TTLL1: variants seen among roughly 807,000 people sequenced by gnomAD.
TTLL1 encodes the protein polyglutamylase complex subunit TTLL1.
Under a neutral mutation model 47.8 loss-of-function variants are expected in TTLL1, and 33 were observed. That is an observed-to-expected ratio of 0.69 (90% CI 0.52 to 0.92). The LOEUF (loss-of-function observed/expected upper bound fraction) is 0.92, where lower values mean the gene tolerates loss of function less well. TTLL1 is among the 40% of genes least tolerant of loss of function. The pLI is 0.00. For synonymous variants in TTLL1, 225 were observed against 214.1 expected, an observed-to-expected ratio of 1.05 and a Z score of -0.45; for missense variants, 488 against 547.5, an observed-to-expected ratio of 0.89 and a Z score of 1.08.
At position 43,068,565 on chromosome 22, in the gene TTLL1, C is replaced by T. The variant is rs770840187; in HGVS notation, c.348G>A (p.Leu116=). ...CTACAAACAGGTTGTAGTCAGCGGG[C>T]AGCATATAGGTGACTGGAACAAAGT... ...YLDFVPVTYM[L]PADYNLFVEE... is the part of the protein sequence containing the mutation. The change falls in exon 5 of 11, where the codon CTG becomes CTA. Residue 116 remains leucine (L), a synonymous_variant. Transcript: ENST00000266254. The T allele has an allele frequency of 3.9e-6, 6 of 1,540,584 alleles. No individual in the cohort carries two copies. The Admixed American group carries it at 5.3e-5, about 13-fold the overall frequency.
Position 43,045,604 on chromosome 22 carries a change from C to T in TTLL1, c.1142+806G>A, listed in dbSNP as rs897906874. Reference sequence around the variant, plus strand: ...GGGATTACAGGTGTGAGCCACTGCACCTGGTCTATTATACCAATTTAAAGG... The same window carrying T: ...GGGATTACAGGTGTGAGCCACTGCATCTGGTCTATTATACCAATTTAAAGG... On this transcript the variant is annotated intron_variant, in intron 10 of 10. Transcript: ENST00000266254. 2.0e-5 allele frequency among the ~76,000 whole-genome samples: 3 copies of T among 151,628 alleles called. No individual in the cohort carries two copies. In the East Asian group the frequency reaches 5.8e-4, roughly 29 times the overall value.
Position 43,081,426 on chromosome 22 carries a change from G to A in TTLL1, c.-89-1440C>T, listed in dbSNP as rs180775058. Among the ~76,000 whole-genome samples the A allele has an allele frequency of 3.3e-3, 501 of 152,190 alleles. 2 individuals carry two copies. Among genetic ancestry groups the A allele is most frequent in the African/African-American group, 0.012 (488 of 41,506 alleles). ...AGTCGCTCCCATAGAGATGTGTTAC[G>A]GGTTAAGTTGTGTCCCCACAAACTT... On this transcript the variant is annotated intron_variant, in intron 1 of 10. Transcript: ENST00000266254.
intron 4 of TTLL1, 157 bp downstream of exon 4, chr22:43,069,479 C>G: frequency 7.4e-7 from 1 of 1,355,286 alleles, no homozygotes; most frequent in Non-Finnish European, 9.9e-7. Context: ...CTCCTTCTCC[C>G]TCATTCTGGA....
intron 3 of TTLL1, 89 bp downstream of exon 3, chr22:43,075,385 T>C (rs1227475566): frequency 1.8e-6 from 2 of 1,083,788 alleles, no homozygotes; most frequent in Admixed American, 1.9e-5. Flanking sequence ...AGACAGTGGC[T>C]CTGAGGCCAC....
Position 43,068,518 on chromosome 22 carries a change from G to T in TTLL1, c.395C>A (p.Ser132Tyr). Residue 132 changes from serine to tyrosine, a missense_variant, in exon 5 of 11, where the codon TCC (serine) becomes TAC (tyrosine). Ser to Tyr is a moderately radical substitution (Grantham distance 144). Transcript: ENST00000266254. ...LFVEEFRKSP[S>Y]STWIMKPCGK... ...ACAAGGCTTCATGATCCAGGTGCTGGACGGGCTCTTCCGGAACTCCTCTAC... is the reference window on the plus strand; with the variant it reads ...ACAAGGCTTCATGATCCAGGTGCTGTACGGGCTCTTCCGGAACTCCTCTAC... 1 of 1,572,494 alleles carries T rather than the reference G, an allele frequency of 6.4e-7. No individual in the cohort carries two copies. Among genetic ancestry groups the T allele is most frequent in the Non-Finnish European group, 8.7e-7 (1 of 1,149,884 alleles).
In TTLL1 at chr22:43,060,423, C is replaced by A. The variant is rs376794874; in HGVS notation, c.748-896G>T. On this transcript the variant is annotated intron_variant, in intron 7 of 10. Transcript: ENST00000266254. ...CTGCTCCACAGCGCCCCACGGTGGG[C>A]AGAGGCCTCCACTGCAGCAACATCA... Among the ~76,000 whole-genome samples, 20 of 152,356 alleles carry A rather than the reference C, an allele frequency of 1.3e-4. No individual in the cohort carries two copies. In the East Asian group the frequency reaches 1.5e-3, roughly 12 times the overall value.
At chr22:43,078,174 T>C (rs1928633890) in intron 2 of TTLL1, among the ~76,000 whole-genome samples, 1 of 151,898 alleles carries the variant, frequency 6.6e-6, no homozygotes, top group South Asian at 2.1e-4. Context: ...ATGAGGAAGC[T>C]GAGGCTCAAC....
chr22:43,052,330 G>A (rs564258255), intron 8 of TTLL1: 1 of 178,918 alleles, frequency 5.6e-6, no homozygotes, highest in East Asian at 1.4e-4. Context: ...ATTAACCTCT[G>A]TTCCCAGTGA....
intron 5 of TTLL1, among the ~76,000 whole-genome samples, chr22:43,067,620 G>A (rs1187998679): frequency 2.0e-5 from 3 of 152,112 alleles, no homozygotes; most frequent in Admixed American, 6.6e-5. Context: ...GTGACGCCAC[G>A]TGACAGATGA....
intron 2 of TTLL1, among the ~76,000 whole-genome samples, chr22:43,076,587 TA>T (rs1231104078): frequency 6.7e-6 from 1 of 150,038 alleles, no homozygotes; most frequent in South Asian, 2.1e-4. Flanking sequence ...CTGTCTCTAC[TA>T]AAAATACAAA....
rs369042564 is a variant in TTLL1, at chr22:43,085,468, G to A, written c.-90+3809C>T. Among the ~76,000 whole-genome samples, 7 of 152,156 alleles carry A rather than the reference G, an allele frequency of 4.6e-5. No homozygotes were observed. In the East Asian group the frequency reaches 5.8e-4, roughly 13 times the overall value. On this transcript the variant is annotated intron_variant, in intron 1 of 10. Transcript: ENST00000266254. ...AGGGCAGGGCAAGGTGGAGATAAACGAATCATGGGAGTGGTTCCCCCGTAC... is the reference window on the plus strand; with the variant it reads ...AGGGCAGGGCAAGGTGGAGATAAACAAATCATGGGAGTGGTTCCCCCGTAC...
intron 10 of TTLL1, 42 bp downstream of exon 10, chr22:43,046,368 G>A (rs376132818): frequency 3.2e-5 from 51 of 1,604,488 alleles, no homozygotes; most frequent in Middle Eastern, 1.7e-4. Flanking sequence ...CACGCCATTC[G>A]GAAACACAGA....
At chr22:43,059,593 T>C (rs772278889) in intron 7 of TTLL1, 66 bp from the exon 8 acceptor site, 60 of 1,521,314 alleles carry the variant, frequency 3.9e-5, no homozygotes, top group Middle Eastern at 1.8e-4. Context: ...AGCGGAACCG[T>C]TGCATCCCCC....
At chr22:43,075,369 G>T in intron 3 of TTLL1, 105 bp downstream of exon 3, 1 of 905,102 alleles carries the variant, frequency 1.1e-6, no homozygotes, top group South Asian at 1.5e-5. Context: ...ATGGCACAAT[G>T]ACAGGAGACA....
intron 8 of TTLL1, among the ~76,000 whole-genome samples, chr22:43,058,154 C>A (rs1349718749): frequency 1.3e-5 from 2 of 151,948 alleles, no homozygotes; most frequent in Non-Finnish European, 2.9e-5. Flanking sequence ...CCCTGTTAGC[C>A]AGGATGGTCT....
At chr22:43,051,500 G>C (rs1024547577) in intron 9 of TTLL1, among the ~76,000 whole-genome samples, 2 of 152,182 alleles carry the variant, frequency 1.3e-5, no homozygotes, top group African/African-American at 4.8e-5. Flanking sequence ...GGGCCTGGGG[G>C]ACAGGGTGCA....
intron 8 of TTLL1, among the ~76,000 whole-genome samples, chr22:43,058,405 A>G (rs1372161495): frequency 6.6e-6 from 1 of 152,256 alleles, no homozygotes; most frequent in Non-Finnish European, 1.5e-5. Flanking sequence ...AAAAAGAGGC[A>G]CGCCATTTCC....
chr22:43,087,885 C>T (rs571532271), intron 1 of TTLL1, among the ~76,000 whole-genome samples: 12 of 147,958 alleles, frequency 8.1e-5, no homozygotes, highest in Non-Finnish European at 1.5e-4. Flanking sequence ...CAGTGGCTCA[C>T]GCTTGTAATC....
intron 8 of TTLL1, among the ~76,000 whole-genome samples, chr22:43,056,462 CTTTTTT>C (rs1052016247): frequency 6.7e-5 from 7 of 103,708 alleles, no homozygotes; most frequent in South Asian, 6.3e-4. Flanking sequence ...TTCTTCTTGT[CTTTTTT>C]TTTTTTTTTT....
Sources: gnomAD v4.1 joint callset for allele counts (sites outside exome capture counted in the v4.1 genomes callset) on GRCh38, gnomAD v4.1.1 for gene constraint, MANE v1.5 for transcripts, NCBI Gene and HGNC (gene_info 2026-07-23, HGNC 2026-07-21) for gene names.